Variants in MYH4 observed in about 807,000 individuals in gnomAD.
MYH4 encodes the protein myosin heavy chain 4, also known as myosin-4.
A neutral mutation model predicts 229.9 loss-of-function variants in MYH4; 200 were observed. The observed-to-expected ratio is 0.87, with a 90% CI of 0.78 to 0.98. The LOEUF is 0.98. MYH4 is among the 50% of genes least tolerant of loss of function. The probability of loss-of-function intolerance (pLI) is 0.00; values close to 1 mark genes in which losing one functional copy is unlikely to be tolerated. For synonymous variants in MYH4, 761 were observed against 834.6 expected, an observed-to-expected ratio of 0.91 and a Z score of 1.52; for missense variants, 2,148 against 2,332.6, an observed-to-expected ratio of 0.92 and a Z score of 1.63.
At position 10,465,571 on chromosome 17, in the gene MYH4, C is replaced by T. The variant is rs1258180782; in HGVS notation, c.376G>A (p.Val126Ile). ...ACCGGCAGCCACTTGTAGGGGTTGA[C>T]GGTGACACAGAAGAGGCCCGAGTAG... ...YTYSGLFCVTVNPYKWLPVYN... is the reference protein window; with the variant it reads ...YTYSGLFCVTINPYKWLPVYN... The change falls in exon 5 of 40, where the codon GTC becomes ATC. Residue 126 changes from valine (V) to isoleucine (I), a missense_variant. Physicochemically the swap from Val to Ile is conservative, Grantham distance 29. Transcript: ENST00000255381. 1 of 1,613,980 alleles carries T rather than the reference C, an allele frequency of 6.2e-7. No homozygotes were observed. Among genetic ancestry groups the T allele is most frequent in the Non-Finnish European group, 8.5e-7 (1 of 1,179,980 alleles).
rs537056793 is a variant in MYH4 at position 10,465,131 on chromosome 17, A to G, written c.505+311T>C. 2.0e-5 allele frequency among the ~76,000 whole-genome samples: 3 copies of G among 152,350 alleles called. No individual in the cohort carries two copies. In the South Asian group the frequency reaches 6.2e-4, roughly 32 times the overall value. ...AGATTATGTATTATCTATAATCCAAATGCAGAGTTGATGCCTAAATTTAAT... is the reference window on the plus strand; with the variant it reads ...AGATTATGTATTATCTATAATCCAAGTGCAGAGTTGATGCCTAAATTTAAT... On this transcript the variant is annotated intron_variant, in intron 5 of 39. Coordinates refer to ENST00000255381, the MANE Select transcript of MYH4 (RefSeq NM_017533.2).
Position 10,454,598 on chromosome 17 carries a change from G to T in MYH4, c.2648C>A (p.Thr883Lys), listed in dbSNP as rs3744558. The change falls in exon 22 of 40, where the codon ACG (threonine) becomes AAG (lysine). Residue 883 changes from threonine to lysine, a missense_variant. Coordinates refer to ENST00000255381, the MANE Select transcript of MYH4 (RefSeq NM_017533.2). Reference sequence around the variant, plus strand: ...TAAGTCATTTTTCTCTTGCATTAGCGTCACCATCTTTTCTTCTAGTTCTTT... The same window carrying T: ...TAAGTCATTTTTCTCTTGCATTAGCTTCACCATCTTTTCTTCTAGTTCTTT... ...KRKELEEKMV[T>K]LMQEKNDLQL... 8.1e-6 allele frequency: 13 copies of T among 1,613,940 alleles called. No individual in the cohort carries two copies. The highest frequency in any genetic ancestry group is 8.0e-5 in the African/African-American group (6 of 74,886).
Position 10,466,331 on chromosome 17 carries a change from A to C in MYH4, c.290T>G (p.Leu97Arg), listed in dbSNP as rs370416064. The change falls in exon 4 of 40, where the codon CTG (leucine) becomes CGG (arginine). Residue 97 changes from leucine to arginine, a missense_variant. Coordinates refer to ENST00000255381, the MANE Select transcript of MYH4 (RefSeq NM_017533.2). ...KIEDMAMMTH[L>R]HEPAVLYNLK... ...GTTATACAGCACAGCAGGCTCATGC[A>C]GGTGAGTCATCATGGCCATGTCCTC... 1 of 1,614,208 alleles carries C rather than the reference A, an allele frequency of 6.2e-7. No individual in the cohort carries two copies. The highest frequency in any genetic ancestry group is 8.5e-7 in the Non-Finnish European group (1 of 1,180,024).
At chr17:10,443,279 T>G (rs1402805345), downstream of MYH4, 29 of 1,327,962 alleles carry the variant, frequency 2.2e-5, no homozygotes, top group Non-Finnish European at 3.0e-5. This position sits in a 1 kb window ranked among gnomAD's most constrained non-coding sequence, Gnocchi z 4.6. Flanking sequence ...GATGCAAAAT[T>G]ATCTAAAGAT....
In MYH4 at chr17:10,445,379, A is replaced by AAAGAG. The variant is rs2072500236; in HGVS notation, c.5170-22_5170-18dup. The AAAGAG allele has an allele frequency of 6.4e-7, 1 of 1,565,464 alleles. No homozygotes were observed. Among genetic ancestry groups the AAAGAG allele is most frequent in the South Asian group, 1.1e-5 (1 of 88,012 alleles). On this transcript the variant is annotated splice_polypyrimidine_tract_variant and intron_variant, in intron 35 of 39. Transcript: ENST00000255381. ...GCTGGTGTTCTGTTTCAAATTAATGAAAGAGAAGAGAAGCACATTTACTTA... is the reference window on the plus strand; with the variant it reads ...GCTGGTGTTCTGTTTCAAATTAATGAAAGAGAAGAGAAGAGAAGCACATTTACTTA...
intron 4 of MYH4, 55 bp from the exon 5 acceptor site, chr17:10,465,653 G>A: frequency 6.2e-7 from 1 of 1,607,416 alleles, no homozygotes; most frequent in Non-Finnish European, 8.5e-7. Context: ...ATCTATCTTG[G>A]AAATACTGTT....
chr17:10,448,021 C>T lies in MYH4; in HGVS notation c.4762G>A (p.Asp1588Asn), dbSNP rs1212012833. The change falls in exon 34 of 40, where the codon GAT becomes AAT. Residue 1588 changes from aspartate to asparagine, a missense_variant. Physicochemically the swap from Asp to Asn is conservative, Grantham distance 23 (BLOSUM62 1). Coordinates refer to ENST00000255381, the MANE Select transcript of MYH4 (RefSeq NM_017533.2). ...CTGAGATGGTTCCTCTTTAGCTGAT[C>T]GAGTTCTTCATCTTTTTCAGCAATT... The part of the protein sequence containing the change: ...RKIAEKDEEL[D>N]QLKRNHLRVV... The T allele has an allele frequency of 6.8e-6, 11 of 1,613,860 alleles. No homozygotes were observed. The Admixed American group carries it at 8.3e-5, about 12-fold the overall frequency.
chr17:10,457,315 G>A, intron 16 of MYH4, 105 bp downstream of exon 16: 1 of 1,268,156 alleles, frequency 7.9e-7, no homozygotes, highest in Non-Finnish European at 1.1e-6. Flanking sequence ...GCATGTATTG[G>A]CCAGTGTTTT....
At chr17:10,451,819 G>T (rs2072576663) in intron 27 of MYH4, 122 bp downstream of exon 27, 2 of 1,248,110 alleles carry the variant, frequency 1.6e-6, no homozygotes, top group Non-Finnish European at 2.2e-6. Context: ...TGTACTAGGA[G>T]TAAGTTTAAG....
At chr17:10,455,997 C>G in intron 17 of MYH4, 96 bp from the exon 18 acceptor site, 1 of 1,480,338 alleles carries the variant, frequency 6.8e-7, no homozygotes, top group South Asian at 1.2e-5. Context: ...TTTTAATGAG[C>G]TGTCTCAAGG....
At position 10,453,657 on chromosome 17, in the gene MYH4, C is replaced by T. The variant is rs1389773372; in HGVS notation, c.2920G>A (p.Ala974Thr). The change falls in exon 23 of 40, where the codon GCC (alanine) becomes ACC (threonine). Residue 974 changes from alanine (A) to threonine (T), a missense_variant. Transcript: ENST00000255381. The stretch of plus-strand genomic sequence containing the variant: ...ATGATTTGTACCTTGTTCTCTGTGG[C>T]ATGTTTCTCCTTCTCAACCTTGGCC... ...TLAKVEKEKH[A>T]TENKVKNLTE... The T allele has an allele frequency of 2.5e-6, 4 of 1,614,014 alleles. No individual in the cohort carries two copies. Among genetic ancestry groups the T allele is most frequent in the African/African-American group, 1.3e-5 (1 of 75,018 alleles).
intron 23 of MYH4, 36 bp from the exon 24 acceptor site, chr17:10,453,364 C>A (rs757577153): frequency 2.5e-6 from 4 of 1,613,664 alleles, no homozygotes; most frequent in Non-Finnish European, 3.4e-6. Flanking sequence ...ATGTCAATGA[C>A]AACGTATTAT....
chr17:10,447,726 T>G, intron 34 of MYH4, 92 bp downstream of exon 34: 4 of 1,262,678 alleles, frequency 3.2e-6, no homozygotes, highest in Non-Finnish European at 4.4e-6. Flanking sequence ...GCTTAGGTGA[T>G]TTATGACACA....
chr17:10,464,916 G>C (rs1379005539), intron 5 of MYH4, among the ~76,000 whole-genome samples: 1 of 152,110 alleles, frequency 6.6e-6, no homozygotes, highest in Non-Finnish European at 1.5e-5. Context: ...CTAATGTATA[G>C]ACTATGTAAT....
At chr17:10,456,347 A>T (rs2072638011) in intron 17 of MYH4, 138 bp downstream of exon 17, 2 of 672,884 alleles carry the variant, frequency 3.0e-6, no homozygotes, top group Non-Finnish European at 4.8e-6. Context: ...AAGTTTACAA[A>T]ACCTTTAGTA....
In MYH4 at chr17:10,452,931, A is replaced by G. The variant is rs775374932; in HGVS notation, c.3113T>C (p.Leu1038Pro). The change falls in exon 25 of 40, where the codon CTT becomes CCT. Residue 1038 changes from leucine (L) to proline (P), a missense_variant and splice_region_variant. Transcript: ENST00000255381. Reference sequence around the variant, plus strand: ...CTTTTCTTGTTCCAGAGATCCTTCAAGCTAAATTTATGATGCATTTTATTT... The same window carrying G: ...CTTTTCTTGTTCCAGAGATCCTTCAGGCTAAATTTATGATGCATTTTATTT... ...KTKLEQQVDDLEGSLEQEKKL... is the reference protein window; with the variant it reads ...KTKLEQQVDDPEGSLEQEKKL... The G allele has an allele frequency of 1.2e-6, 2 of 1,602,370 alleles. No individual in the cohort carries two copies. The highest frequency in any genetic ancestry group is 1.4e-5 in the African/African-American group (1 of 73,834).
At position 10,453,873 on chromosome 17, in the gene MYH4, A is replaced by G; in HGVS notation, c.2704T>C (p.Leu902=). 6.2e-7 allele frequency: 1 copy of G among 1,614,164 alleles called. No individual in the cohort carries two copies. Among genetic ancestry groups the G allele is most frequent in the South Asian group, 1.1e-5 (1 of 91,088 alleles). The change falls in exon 23 of 40, where the codon TTG becomes CTG. Residue 902 remains leucine, a synonymous_variant. Coordinates refer to ENST00000255381, the MANE Select transcript of MYH4 (RefSeq NM_017533.2). ...TCACATCTTTCCTCTGCATCAGCCAAGGCATCTGCTTCCTAAAGGGAGAAA... is the reference window on the plus strand; with the variant it reads ...TCACATCTTTCCTCTGCATCAGCCAGGGCATCTGCTTCCTAAAGGGAGAAA... ...QLQVQAEADA[L]ADAEERCDQL... is the part of the protein sequence containing the mutation.
chr17:10,465,906 C>G (rs2072760498), intron 4 of MYH4, among the ~76,000 whole-genome samples: 1 of 149,228 alleles, frequency 6.7e-6, no homozygotes, highest in Non-Finnish European at 1.5e-5. Flanking sequence ...TCCCAAGTAG[C>G]TGGGACTACA....
At chr17:10,467,741 G>A (rs985617768) in intron 2 of MYH4, among the ~76,000 whole-genome samples, 4 of 152,044 alleles carry the variant, frequency 2.6e-5, no homozygotes, top group Admixed American at 2.6e-4. Flanking sequence ...GAAATGGATA[G>A]CCAGTATAAA....
Sources: allele counts gnomAD v4.1 joint callset (sites outside exome capture counted in the v4.1 genomes callset), GRCh38; gene constraint gnomAD v4.1.1; non-coding constraint Gnocchi (gnomAD v3.1); transcripts MANE v1.5; gene names NCBI Gene and HGNC (gene_info 2026-07-23, HGNC 2026-07-21).